The following PTPRD variants were observed in gnomAD, a reference collection of about 807,000 sequenced individuals.
PTPRD encodes the protein protein tyrosine phosphatase receptor type D.
Under a neutral mutation model 214.5 loss-of-function variants are expected in PTPRD, and 34 were observed. That is an observed-to-expected ratio of 0.16 (90% CI 0.12 to 0.21). The LOEUF is 0.21. PTPRD is among the 10% of genes least tolerant of loss of function. The pLI, the probability that PTPRD is intolerant of heterozygous loss-of-function variation, is 1.00. For synonymous variants in PTPRD, 1,128 were observed against 845.7 expected, an observed-to-expected ratio of 1.33 and a Z score of -5.79; for missense variants, 2,545 against 2,398.7, an observed-to-expected ratio of 1.06 and a Z score of -1.27.
At chr9:8,975,424 T>C (rs7038756) in intron 11 of PTPRD, among the ~76,000 whole-genome samples, 1 of 151,972 alleles carries the variant, frequency 6.6e-6, no homozygotes, top group Non-Finnish European at 1.5e-5. Context: ...AAAGAAATAA[T>C]TGATTCATTT....
chr9:10,079,402 C>T (rs940365129), intron 3 of PTPRD, among the ~76,000 whole-genome samples: 7 of 152,008 alleles, frequency 4.6e-5, no homozygotes, highest in South Asian at 2.1e-4. Context: ...AATGAAATCC[C>T]GAGGCCACCC....
At chr9:9,727,503 G>A (rs979903288) in intron 7 of PTPRD, among the ~76,000 whole-genome samples, 2 of 152,100 alleles carry the variant, frequency 1.3e-5, no homozygotes, top group South Asian at 2.1e-4. Context: ...AATATTTTAT[G>A]TCAGATGAGA....
At chr9:9,758,885 T>TA (rs774791585) in intron 6 of PTPRD, among the ~76,000 whole-genome samples, 6 of 151,842 alleles carry the variant, frequency 4.0e-5, no homozygotes, top group Admixed American at 1.3e-4. Context: ...TAATTCTTAA[T>TA]AATAAAAATA....
intron 2 of PTPRD, among the ~76,000 whole-genome samples, chr9:10,344,366 C>G (rs978680701): frequency 6.6e-5 from 10 of 152,062 alleles, no homozygotes; most frequent in African/African-American, 2.2e-4. Flanking sequence ...TCTGAGGCCT[C>G]TGTTCTGTTC....
intron 14 of PTPRD, among the ~76,000 whole-genome samples, chr9:8,618,941 C>A (rs1445331040): frequency 5.2e-5 from 4 of 76,262 alleles, no homozygotes; most frequent in South Asian, 8.1e-4. Context: ...TTTTTTTTTA[C>A]CGGAAACAGG....
Position 9,762,514 on chromosome 9 carries a change from G to C in PTPRD, c.-326+4296C>G, listed in dbSNP as rs75047871. 5.4e-3 allele frequency among the ~76,000 whole-genome samples: 829 copies of C among 152,258 alleles called. 6 individuals carry two copies. The highest frequency in any genetic ancestry group is 0.019 in the African/African-American group (774 of 41,542). ...TGACATTTTACCATAGCAATCAAGA[G>C]GGACTAAGCCACCCTTTCAACACTT... On this transcript the variant is annotated intron_variant, in intron 6 of 45. Transcript: ENST00000381196.
intron 3 of PTPRD, among the ~76,000 whole-genome samples, chr9:10,269,562 C>G (rs949791149): frequency 1.2e-4 from 19 of 152,080 alleles, no homozygotes; most frequent in Non-Finnish European, 2.8e-4. Context: ...ACACTTTTTT[C>G]TCTGCCTAGT....
At chr9:8,983,268 G>A (rs1181836699) in intron 11 of PTPRD, among the ~76,000 whole-genome samples, 2 of 151,890 alleles carry the variant, frequency 1.3e-5, no homozygotes, top group African/African-American at 4.8e-5. Context: ...CTAGCTTGAA[G>A]AGATACAGAT....
intron 5 of PTPRD, among the ~76,000 whole-genome samples, chr9:9,795,738 G>T (rs914070031): frequency 6.6e-6 from 1 of 152,024 alleles, no homozygotes; most frequent in East Asian, 1.9e-4. Context: ...TGTGTATGAA[G>T]TTGCATGGTT....
At chr9:10,511,902 A>G (rs1483364314) in intron 2 of PTPRD, among the ~76,000 whole-genome samples, 1 of 134,080 alleles carries the variant, frequency 7.5e-6, no homozygotes, top group Non-Finnish European at 1.6e-5. Context: ...ACATATATAT[A>G]CATATATATA....
At chr9:10,098,389 T>C (rs2098515540) in intron 3 of PTPRD, among the ~76,000 whole-genome samples, 2 of 151,402 alleles carry the variant, frequency 1.3e-5, no homozygotes, top group African/African-American at 4.9e-5. Flanking sequence ...ATATACCTAA[T>C]GCTAAATGAC....
intron 14 of PTPRD, among the ~76,000 whole-genome samples, chr9:8,624,378 T>C (rs2095938340): frequency 6.6e-6 from 1 of 151,912 alleles, no homozygotes; most frequent in African/African-American, 2.4e-5. Context: ...GATTAAGGAC[T>C]ATTTGAGAAG....
chr9:10,088,807 C>T, intron 3 of PTPRD, among the ~76,000 whole-genome samples: 1 of 151,674 alleles, frequency 6.6e-6, no homozygotes. Context: ...AAAATATACT[C>T]ACTAAAGTTT....
chr9:10,344,387 T>C (rs1011878902), intron 2 of PTPRD, among the ~76,000 whole-genome samples: 8 of 152,160 alleles, frequency 5.3e-5, no homozygotes, highest in Admixed American at 3.3e-4. Context: ...CATTGGTCTA[T>C]ATGTCTGTTT....
Position 10,364,006 on chromosome 9 carries a change from T to TTTTTTG in PTPRD, c.-599-22990_-599-22989insCAAAAA, listed in dbSNP as rs1565557374. Reference sequence around the variant, plus strand: ...ACATTTTCGGGTTTTTTTTTTTTTTTTTTTTTTTTTTGAGATGGAGTCTTG... The same window carrying TTTTTTG: ...ACATTTTCGGGTTTTTTTTTTTTTTTTTTTTGTTTTTTTTTTTGAGATGGAGTCTTG... On this transcript the variant is annotated intron_variant, in intron 2 of 45. Coordinates refer to ENST00000381196, the MANE Select transcript of PTPRD (RefSeq NM_002839.4). Among the ~76,000 whole-genome samples the TTTTTTG allele has an allele frequency of 6.0e-5, 8 of 133,076 alleles. 2 individuals carry two copies. Among genetic ancestry groups the TTTTTTG allele is most frequent in the African/African-American group, 1.8e-4 (6 of 34,204 alleles). 87.3% of individuals were successfully genotyped at this position (133,076 alleles called of 152,430 possible).
At chr9:8,366,803 G>A (rs939076497) in intron 39 of PTPRD, among the ~76,000 whole-genome samples, 5 of 152,204 alleles carry the variant, frequency 3.3e-5, no homozygotes, top group Non-Finnish European at 7.3e-5. Flanking sequence ...GTGTGAATAC[G>A]AAGCAATGTG....
intron 8 of PTPRD, among the ~76,000 whole-genome samples, chr9:9,407,960 A>G (rs1046250989): frequency 6.6e-6 from 1 of 151,786 alleles, no homozygotes; most frequent in African/African-American, 2.4e-5. Context: ...AAAGTGGAAG[A>G]CTTTTAATTT....
chr9:8,856,284 G>A (rs1352168799), intron 11 of PTPRD, among the ~76,000 whole-genome samples: 2 of 152,124 alleles, frequency 1.3e-5, no homozygotes, highest in African/African-American at 4.8e-5. Flanking sequence ...CAAGTTGAGT[G>A]GTTGGTGTGT....
At chr9:8,573,637 C>T (rs1238694795) in intron 14 of PTPRD, among the ~76,000 whole-genome samples, 1 of 151,818 alleles carries the variant, frequency 6.6e-6, no homozygotes. Context: ...TGTTCACAAG[C>T]CTGCCTTTGT....
Sources: gnomAD v4.1 joint callset for allele counts (sites outside exome capture counted in the v4.1 genomes callset) on GRCh38, gnomAD v4.1.1 for gene constraint, MANE v1.5 for transcripts, NCBI Gene and HGNC (gene_info 2026-07-23, HGNC 2026-07-21) for gene names.